The following KANK1 variants were observed in gnomAD, a reference collection of about 807,000 sequenced individuals.
The protein encoded by KANK1 is KN motif and ankyrin repeat domain-containing protein 1.
In KANK1, 109 loss-of-function variants were observed where a neutral mutation model predicts 106.2. The ratio of observed to expected loss-of-function variants is 1.03; its 90% CI spans 0.88 to 1.20. The LOEUF is 1.20. Among genes scored for constraint, KANK1 ranks in the 50% most tolerant of loss-of-function variants. The pLI, the probability that KANK1 is intolerant of heterozygous loss-of-function variation, is 0.00. For missense variants in KANK1, 2,399 were observed against 1,710.7 expected (o/e 1.40, Z -7.10); for synonymous variants, 873 against 652.2 (o/e 1.34, Z -5.16).
chr9:670,680 G>A (rs536852330), intron 1 of KANK1, among the ~76,000 whole-genome samples: 1 of 152,292 alleles, frequency 6.6e-6, no homozygotes, highest in African/African-American at 2.4e-5. Flanking sequence ...CAGGGCTGGA[G>A]ATGGTAATCC....
chr9:583,395 A>G lies in KANK1; in HGVS notation c.-84+78641A>G, dbSNP rs1588022652. ...CAGCAATTTTGCTTTTGTTTTTATG[A>G]TGATTACTTCCACTCATGACTTTAC... is the stretch of plus-strand genomic sequence containing the variant. On this transcript the variant is annotated intron_variant, in intron 1 of 11. Transcript: ENST00000382297. Among the ~76,000 whole-genome samples the G allele has an allele frequency of 2.0e-5, 3 of 152,266 alleles. No homozygotes were observed. In the South Asian group the frequency reaches 6.2e-4, roughly 32 times the overall value.
intron 1 of KANK1, among the ~76,000 whole-genome samples, chr9:647,616 A>G (rs780167499): frequency 2.0e-5 from 3 of 150,746 alleles, no homozygotes. Flanking sequence ...CTCTTAGTAT[A>G]GTTGTGAGTA....
intron 1 of KANK1, among the ~76,000 whole-genome samples, chr9:563,980 G>A (rs1324287776): frequency 6.6e-6 from 1 of 151,900 alleles, no homozygotes; most frequent in Non-Finnish European, 1.5e-5. Context: ...TAGAAGACAG[G>A]ATCTTTGTCT....
intron 1 of KANK1, chr9:539,608 A>T (rs2060480388): frequency 6.6e-6 from 1 of 152,092 alleles, no homozygotes; most frequent in East Asian, 1.9e-4. Flanking sequence ...CTCTTGCCTC[A>T]GCCTCCCAAG....
At chr9:537,797 G>A (rs781148351) in intron 1 of KANK1, among the ~76,000 whole-genome samples, 1 of 152,210 alleles carries the variant, frequency 6.6e-6, no homozygotes, top group Non-Finnish European at 1.5e-5. Context: ...GAGATGCCCA[G>A]AATAGCCCAC....
intron 1 of KANK1, among the ~76,000 whole-genome samples, chr9:560,517 T>C (rs924751868): frequency 6.6e-6 from 1 of 152,206 alleles, no homozygotes; most frequent in African/African-American, 2.4e-5. Flanking sequence ...AGGGAGACTT[T>C]AGAGGCACAG....
At chr9:630,066 GGCAAAAC>G (rs1835293395) in intron 1 of KANK1, among the ~76,000 whole-genome samples, 1 of 151,614 alleles carries the variant, frequency 6.6e-6, no homozygotes, top group East Asian at 2.0e-4. Flanking sequence ...TGGCCAACAT[GGCAAAAC>G]GCTGTCTCCA....
intron 1 of KANK1, among the ~76,000 whole-genome samples, chr9:636,227 C>G (rs1361770392): frequency 1.3e-5 from 2 of 152,112 alleles, no homozygotes; most frequent in African/African-American, 2.4e-5. Context: ...GTTGAGAGCT[C>G]TGCTCTTAGA....
chr9:552,322 C>T (rs931587217), intron 1 of KANK1, among the ~76,000 whole-genome samples: 1 of 152,088 alleles, frequency 6.6e-6, no homozygotes, highest in Non-Finnish European at 1.5e-5. Flanking sequence ...TAGGAGGTTC[C>T]AAGGACCTGC....
intron 1 of KANK1, among the ~76,000 whole-genome samples, chr9:511,873 G>T (rs2059041542): frequency 6.6e-6 from 1 of 152,060 alleles, no homozygotes; most frequent in South Asian, 2.1e-4. Flanking sequence ...TCAAAAATTT[G>T]TTTTATGGTG....
intron 1 of KANK1, among the ~76,000 whole-genome samples, chr9:523,261 T>C (rs1296828083): frequency 6.6e-6 from 1 of 151,668 alleles, no homozygotes; most frequent in African/African-American, 2.4e-5. Flanking sequence ...AGACTTCTAG[T>C]GGTAAAACCC....
intron 1 of KANK1, among the ~76,000 whole-genome samples, chr9:551,619 C>T (rs1390790833): frequency 6.6e-6 from 1 of 152,148 alleles, no homozygotes; most frequent in Non-Finnish European, 1.5e-5. Context: ...ACCTGTGCTC[C>T]AGACGCTCCA....
Position 525,987 on chromosome 9 carries a change from T to G in KANK1, c.-84+21233T>G, listed in dbSNP as rs1043339513. 6.6e-5 allele frequency among the ~76,000 whole-genome samples: 10 copies of G among 151,790 alleles called. No individual in the cohort carries two copies. The East Asian group carries it at 9.6e-4, about 15-fold the overall frequency. On this transcript the variant is annotated intron_variant, in intron 1 of 11. Transcript: ENST00000382297. Reference sequence around the variant, plus strand: ...TTGGTTACCTGAAGCCATTGACAAATTAGTTGTTTCTTATTCAGGTTACTT... The same window carrying G: ...TTGGTTACCTGAAGCCATTGACAAAGTAGTTGTTTCTTATTCAGGTTACTT...
intron 1 of KANK1, among the ~76,000 whole-genome samples, chr9:591,515 CTA>C (rs1824872459): frequency 6.6e-6 from 1 of 151,754 alleles, no homozygotes; most frequent in African/African-American, 2.4e-5. Flanking sequence ...CCCTTGAACA[CTA>C]TGTTCCAGCC....
intron 2 of KANK1, among the ~76,000 whole-genome samples, chr9:472,368 C>G (rs1397031534): frequency 6.6e-6 from 1 of 152,254 alleles, no homozygotes; most frequent in Non-Finnish European, 1.5e-5. Flanking sequence ...TTCCAACCCT[C>G]TGCCATATAT....
At chr9:698,746 G>A (rs1162749204) in intron 2 of KANK1, among the ~76,000 whole-genome samples, 1 of 152,134 alleles carries the variant, frequency 6.6e-6, no homozygotes, top group Non-Finnish European at 1.5e-5. Context: ...AATTCATATG[G>A]TGCAAAGGAG....
At chr9:686,506 C>G (rs73642803) in intron 2 of KANK1, among the ~76,000 whole-genome samples, 194 of 152,224 alleles carry the variant, frequency 1.3e-3, no homozygotes, top group African/African-American at 4.2e-3. Context: ...GGGTGGAGAC[C>G]TGGAAGTCTG....
intron 1 of KANK1, among the ~76,000 whole-genome samples, chr9:552,536 A>G (rs2061344433): frequency 6.6e-6 from 1 of 152,194 alleles, no homozygotes; most frequent in Admixed American, 6.5e-5. Context: ...ATATGTTTTA[A>G]TATGACGTTA....
chr9:555,282 A>G (rs1020401669), intron 1 of KANK1, among the ~76,000 whole-genome samples: 5 of 152,190 alleles, frequency 3.3e-5, no homozygotes, highest in African/African-American at 1.2e-4. Context: ...CGATGACTCT[A>G]TGGAGCCATC....
Sources: gnomAD v4.1 joint callset for allele counts (sites outside exome capture counted in the v4.1 genomes callset) on GRCh38, gnomAD v4.1.1 for gene constraint, MANE v1.5 for transcripts, NCBI Gene and HGNC (gene_info 2026-07-23, HGNC 2026-07-21) for gene names.